Variants in ARMH3 observed in about 807,000 individuals in gnomAD.
ARMH3 encodes the protein armadillo like helical domain containing 3, also known as armadillo-like helical domain-containing protein 3.
ARMH3 carries 60 observed loss-of-function variants against 99.1 expected under a neutral mutation model. The ratio of observed to expected loss-of-function variants is 0.61; its 90% CI spans 0.49 to 0.75. The LOEUF (loss-of-function observed/expected upper bound fraction) is 0.75, where lower values mean the gene tolerates loss of function less well. Among genes scored for constraint, ARMH3 ranks in the 30% least tolerant of loss-of-function variants. ARMH3 has a pLI of 0.00. For missense variants in ARMH3, 679 were observed against 843.1 expected (o/e 0.81, Z 2.41); for synonymous variants, 285 against 292.8 (o/e 0.97, Z 0.27).
chr10:101,959,917 C>T (rs1845204194), intron 20 of ARMH3, among the ~76,000 whole-genome samples: 1 of 152,190 alleles, frequency 6.6e-6, no homozygotes, highest in Admixed American at 6.5e-5. Context: ...GTGGCTCACG[C>T]CTGTAATCCT....
At chr10:101,878,605 C>CTCCA (rs960143712) in intron 24 of ARMH3, among the ~76,000 whole-genome samples, 17 of 151,698 alleles carry the variant, frequency 1.1e-4, no homozygotes, top group African/African-American at 4.1e-4. Context: ...TGTCACTGCA[C>CTCCA]TCCAGCCTGG....
At chr10:102,044,082 A>G (rs1200248645) in intron 1 of ARMH3, among the ~76,000 whole-genome samples, 1 of 144,230 alleles carries the variant, frequency 6.9e-6, no homozygotes, top group Non-Finnish European at 1.5e-5. Context: ...ACACCCAGCT[A>G]ATTTTTTTCT....
intron 23 of ARMH3, among the ~76,000 whole-genome samples, chr10:101,919,474 T>C (rs1195976749): frequency 6.6e-6 from 1 of 152,126 alleles, no homozygotes; most frequent in Non-Finnish European, 1.5e-5. Context: ...TTTATAAGCC[T>C]TTCCCTTAAT....
intron 22 of ARMH3, 137 bp downstream of exon 22, chr10:101,956,460 A>T: frequency 8.9e-7 from 1 of 1,124,826 alleles, no homozygotes. Context: ...CTATTGCCTG[A>T]GAAGAGGAGA....
At chr10:101,978,945 A>C (rs1398221648) in intron 19 of ARMH3, among the ~76,000 whole-genome samples, 2 of 151,824 alleles carry the variant, frequency 1.3e-5, no homozygotes, top group African/African-American at 2.4e-5. Context: ...ATCTCAAAAA[A>C]TAAAATTAAA....
chr10:101,903,340 C>T (rs1389593943), intron 23 of ARMH3, among the ~76,000 whole-genome samples: 6 of 152,100 alleles, frequency 3.9e-5, no homozygotes, highest in African/African-American at 7.2e-5. Flanking sequence ...GCAGGCACTA[C>T]GCTAGGCAAT....
intron 14 of ARMH3, among the ~76,000 whole-genome samples, chr10:102,006,258 C>T (rs557218057): frequency 2.0e-5 from 3 of 152,216 alleles, no homozygotes; most frequent in African/African-American, 4.8e-5. Flanking sequence ...TGTGGCAGGA[C>T]AGGCATTACT....
At chr10:101,859,875 C>T (rs535830231) in intron 24 of ARMH3, among the ~76,000 whole-genome samples, 16 of 152,248 alleles carry the variant, frequency 1.1e-4, no homozygotes, top group African/African-American at 3.9e-4. Context: ...TAAATGCTAT[C>T]GGCTTACCCC....
chr10:102,018,903 G>A (rs1157929981), intron 8 of ARMH3, among the ~76,000 whole-genome samples: 1 of 152,106 alleles, frequency 6.6e-6, no homozygotes, highest in Non-Finnish European at 1.5e-5. Flanking sequence ...GTTGCAGTGA[G>A]CCAAGATCAT....
chr10:101,904,620 T>C (rs1000306202), intron 23 of ARMH3, among the ~76,000 whole-genome samples: 7 of 151,870 alleles, frequency 4.6e-5, no homozygotes, highest in Middle Eastern at 3.4e-3. Flanking sequence ...CTGGAGGGAA[T>C]TGGAAGTCAG....
chr10:101,885,924 G>A (rs933469956), intron 24 of ARMH3, among the ~76,000 whole-genome samples: 1 of 152,052 alleles, frequency 6.6e-6, no homozygotes, highest in Non-Finnish European at 1.5e-5. Context: ...GAGCGTGGTG[G>A]TGGGTGCCTG....
chr10:101,996,152 GA>G (rs1246181157), intron 15 of ARMH3, among the ~76,000 whole-genome samples: 3 of 152,232 alleles, frequency 2.0e-5, no homozygotes, highest in African/African-American at 7.2e-5. Flanking sequence ...TTACTTTCCA[GA>G]AACTCTGTGG....
At chr10:101,898,176 CA>C (rs576114519) in intron 23 of ARMH3, among the ~76,000 whole-genome samples, 21 of 143,726 alleles carry the variant, frequency 1.5e-4, no homozygotes, top group African/African-American at 1.0e-4. Context: ...CTCAGGAGCA[CA>C]AAAAAAAAAA....
chr10:101,954,611 T>C (rs1018622731), intron 22 of ARMH3, among the ~76,000 whole-genome samples: 1 of 152,180 alleles, frequency 6.6e-6, no homozygotes, highest in Non-Finnish European at 1.5e-5. Flanking sequence ...TACACTACTA[T>C]ATAAATTTGT....
intron 23 of ARMH3, among the ~76,000 whole-genome samples, chr10:101,910,655 C>T (rs1343240486): frequency 6.6e-6 from 1 of 150,540 alleles, no homozygotes; most frequent in East Asian, 2.0e-4. Flanking sequence ...TCGCTTGAGC[C>T]TGGGAAGCAG....
At chr10:101,871,012 G>GA (rs957426239) in intron 24 of ARMH3, among the ~76,000 whole-genome samples, 7 of 151,094 alleles carry the variant, frequency 4.6e-5, no homozygotes, top group East Asian at 2.0e-4. Flanking sequence ...AAGGATGCAG[G>GA]AAAAAAAAGT....
rs565264071 is a variant in ARMH3, at chr10:101,999,348, T to C, written c.1150+2623A>G. Among the ~76,000 whole-genome samples the C allele has an allele frequency of 1.6e-4, 25 of 152,210 alleles. No homozygotes were observed. The South Asian group carries it at 5.2e-3, about 32-fold the overall frequency. ...CTGAGATTACAGGCACCCACCACCA[T>C]GCTTGGCTGATTTTTGTATTTTTAG... On this transcript the variant is annotated intron_variant, in intron 15 of 25. Transcript: ENST00000370033.
chr10:102,025,177 T>A lies in ARMH3; in HGVS notation c.486A>T (p.Lys162Asn). The A allele has an allele frequency of 1.2e-6, 2 of 1,613,710 alleles. No homozygotes were observed. Among genetic ancestry groups the A allele is most frequent in the East Asian group, 2.2e-5 (1 of 44,866 alleles). Reference sequence around the variant, plus strand: ...TTACGGTCACTAAGCAAAGGAGAAGTTTCAGACATAAACTCTTCAGACTTT... The same window carrying A: ...TTACGGTCACTAAGCAAAGGAGAAGATTCAGACATAAACTCTTCAGACTTT... ...GSESLKSLCL[K>N]LLLCLVTVTD... The change falls in exon 6 of 26, where the codon AAA becomes AAT. Residue 162 changes from lysine (K) to asparagine (N), a missense_variant. By Grantham distance (94) the Lys-to-Asn change is moderately conservative. Coordinates refer to ENST00000370033, the MANE Select transcript of ARMH3 (RefSeq NM_024541.3).
intron 24 of ARMH3, among the ~76,000 whole-genome samples, chr10:101,861,758 C>T (rs1306265881): frequency 2.3e-5 from 3 of 129,988 alleles, no homozygotes; most frequent in African/African-American, 2.8e-5. Context: ...AAAGGCTGGG[C>T]GCAGTGACTC....
Sources: gnomAD v4.1 joint callset for allele counts (sites outside exome capture counted in the v4.1 genomes callset) on GRCh38, gnomAD v4.1.1 for gene constraint, MANE v1.5 for transcripts, NCBI Gene and HGNC (gene_info 2026-07-23, HGNC 2026-07-21) for gene names.